The following ENTPD1 variants were observed in gnomAD, a reference collection of about 807,000 sequenced individuals.
The protein encoded by ENTPD1 is ATP diphosphohydrolase.
Under a neutral mutation model 57.0 loss-of-function variants are expected in ENTPD1, and 33 were observed. The ratio of observed to expected loss-of-function variants is 0.58; its 90% CI spans 0.44 to 0.77. The LOEUF (loss-of-function observed/expected upper bound fraction) is 0.77, where lower values mean the gene tolerates loss of function less well. Ranked by LOEUF, ENTPD1 falls within the 30% of genes least tolerant of loss-of-function variation. The pLI is 0.00. For synonymous variants in ENTPD1, 202 were observed against 218.8 expected (o/e 0.92, Z 0.68); for missense variants, 501 against 603.4 (o/e 0.83, Z 1.78).
At chr10:95,731,071 C>A (rs1589651946) in intron 1 of ENTPD1, among the ~76,000 whole-genome samples, 1 of 152,234 alleles carries the variant, frequency 6.6e-6, no homozygotes, top group Non-Finnish European at 1.5e-5. Flanking sequence ...TTTCCAAGAT[C>A]TTTTCCAGTT....
upstream of ENTPD1, among the ~76,000 whole-genome samples, chr10:95,708,237 C>CA (rs2097963314): frequency 6.8e-6 from 1 of 147,538 alleles, no homozygotes; most frequent in African/African-American, 2.5e-5. Context: ...TTTTTTGAGA[C>CA]AGAGTCTCAC....
At chr10:95,718,632 A>G (rs2097974181) in intron 1 of ENTPD1, among the ~76,000 whole-genome samples, 1 of 151,910 alleles carries the variant, frequency 6.6e-6, no homozygotes, top group African/African-American at 2.4e-5. Flanking sequence ...CTGTATATAT[A>G]TTTACCCTTT....
Position 95,874,116 on chromosome 10 carries a change from G to T in ENTPD1, c.*7733G>T, listed in dbSNP as rs181632253. Among the ~76,000 whole-genome samples, 609 of 152,190 alleles carry T rather than the reference G, an allele frequency of 4.0e-3. 2 individuals are homozygous for T. The highest frequency in any genetic ancestry group is 6.9e-3 in the Non-Finnish European group (466 of 68,024). ...CAAAACCAATCATTCCTTCCCAACA[G>T]TTCCCCAAAGTCTTAACTCATTTCA... On this transcript the variant is annotated 3_prime_UTR_variant, in exon 10 of 10. Coordinates refer to ENST00000371205, the MANE Select transcript of ENTPD1 (RefSeq NM_001776.6).
At chr10:95,804,051 C>T (rs562864171) in intron 1 of ENTPD1, among the ~76,000 whole-genome samples, 1 of 152,222 alleles carries the variant, frequency 6.6e-6, no homozygotes, top group East Asian at 1.9e-4. Context: ...TGTTCTGTTC[C>T]ATTGGTCTGT....
intron 1 of ENTPD1, among the ~76,000 whole-genome samples, chr10:95,773,974 T>G (rs2098124647): frequency 1.3e-5 from 2 of 152,338 alleles, no homozygotes; most frequent in African/African-American, 4.8e-5. Flanking sequence ...TTCCTATTTC[T>G]CCACATCCTC....
chr10:95,818,483 A>C (rs2098337538), intron 1 of ENTPD1, among the ~76,000 whole-genome samples: 1 of 152,212 alleles, frequency 6.6e-6, no homozygotes, highest in African/African-American at 2.4e-5. Flanking sequence ...GAAGATTTCT[A>C]TAGCCACATG....
chr10:95,843,826 C>T lies in ENTPD1; in HGVS notation c.414-650C>T, dbSNP rs1394068842. On this transcript the variant is annotated intron_variant, in intron 4 of 9. Coordinates refer to ENST00000371205, the MANE Select transcript of ENTPD1 (RefSeq NM_001776.6). ...TGCCAGCTGGAAGGTAGCATCCTCT[C>T]GCTCAGAGACTCCCAGTGTTGGGTA... Among the ~76,000 whole-genome samples the T allele has an allele frequency of 3.9e-5, 6 of 152,318 alleles. No individual in the cohort carries two copies. The East Asian group carries it at 7.7e-4, about 20-fold the overall frequency.
intron 1 of ENTPD1, among the ~76,000 whole-genome samples, chr10:95,777,829 A>G (rs538572666): frequency 6.6e-6 from 1 of 152,322 alleles, no homozygotes; most frequent in African/African-American, 2.4e-5. Context: ...ATCTTCCAGG[A>G]CACTTTGTTT....
At chr10:95,827,566 A>G (rs2098382168) in intron 2 of ENTPD1, among the ~76,000 whole-genome samples, 1 of 151,230 alleles carries the variant, frequency 6.6e-6, no homozygotes, top group South Asian at 2.1e-4. Context: ...GCTCACTACA[A>G]CCTCTGCCTC....
intron 1 of ENTPD1, among the ~76,000 whole-genome samples, chr10:95,736,227 C>T (rs1409153486): frequency 1.3e-5 from 2 of 152,052 alleles, no homozygotes; most frequent in African/African-American, 2.4e-5. Context: ...TCTGAAAACT[C>T]CTGGCCTCAA....
At chr10:95,696,671 T>C in the ENTPD1 span, among the ~76,000 whole-genome samples, 1 of 152,232 alleles carries the variant, frequency 6.6e-6, no homozygotes, top group Non-Finnish European at 1.5e-5. Context: ...GATAATTTTG[T>C]GGATGAAGAA....
At chr10:95,816,576 A>G in intron 1 of ENTPD1, among the ~76,000 whole-genome samples, 1 of 152,180 alleles carries the variant, frequency 6.6e-6, no homozygotes, top group Non-Finnish European at 1.5e-5. Flanking sequence ...CACAAAGAGC[A>G]ACAGGGGGAA....
intron 1 of ENTPD1, among the ~76,000 whole-genome samples, chr10:95,778,188 A>T (rs1441917066): frequency 6.6e-6 from 1 of 152,152 alleles, no homozygotes; most frequent in Non-Finnish European, 1.5e-5. Flanking sequence ...TGAACCAGGT[A>T]CCTCAGTTGG....
Position 95,844,345 on chromosome 10 carries a change from C to T in ENTPD1, c.414-131C>T, listed in dbSNP as rs559465974. 2.9e-5 allele frequency: 37 copies of T among 1,259,336 alleles called. No individual in the cohort carries two copies. In the African/African-American group the frequency reaches 5.2e-4, roughly 18 times the overall value. 78.0% of individuals were successfully genotyped at this position (1,259,336 alleles called of 1,614,324 possible). ...CTTGGACAGCTATGTGCGAAGATCCCCATCTCTTCATTTATTCCAGGGCAT... is the reference window on the plus strand; with the variant it reads ...CTTGGACAGCTATGTGCGAAGATCCTCATCTCTTCATTTATTCCAGGGCAT... On this transcript the variant is annotated intron_variant, in intron 4 of 9. Coordinates refer to ENST00000371205, the MANE Select transcript of ENTPD1 (RefSeq NM_001776.6).
intron 1 of ENTPD1, among the ~76,000 whole-genome samples, chr10:95,739,636 T>C (rs112109770): frequency 3.7e-4 from 56 of 152,326 alleles, no homozygotes; most frequent in Middle Eastern, 3.4e-3. Flanking sequence ...TTCACTGAAG[T>C]CTTGAACCCC....
chr10:95,712,878 C>T (rs2097967196), intron 1 of ENTPD1, among the ~76,000 whole-genome samples: 1 of 152,020 alleles, frequency 6.6e-6, no homozygotes, highest in African/African-American at 2.4e-5. Flanking sequence ...ACTAAAAATA[C>T]AAAAAATTAG....
At chr10:95,763,711 C>A (rs1461282394) in intron 1 of ENTPD1, among the ~76,000 whole-genome samples, 1 of 34,548 alleles carries the variant, frequency 2.9e-5, no homozygotes, top group Non-Finnish European at 4.8e-5. Flanking sequence ...TTGTTTTAAA[C>A]CACTGAGTTT....
At chr10:95,712,629 C>A (rs1022210112) in intron 1 of ENTPD1, among the ~76,000 whole-genome samples, 3 of 152,164 alleles carry the variant, frequency 2.0e-5, no homozygotes, top group Non-Finnish European at 4.4e-5. Flanking sequence ...TGGGAAAATT[C>A]TAATCCCAGG....
rs2098486477 is a variant in ENTPD1 at position 95,877,125 on chromosome 10, T to G, written c.*10742T>G. 6.6e-6 allele frequency among the ~76,000 whole-genome samples: 1 copy of G among 152,208 alleles called. No individual in the cohort carries two copies. The highest frequency in any genetic ancestry group is 2.4e-5 in the African/African-American group (1 of 41,432). On this transcript the variant is annotated 3_prime_UTR_variant, in exon 10 of 10. Transcript: ENST00000371205. ...AATTTGGGAGTAGTAGAAAATCAATTGGTTATCTTATAGAGTCTCCTAGAA... is the reference window on the plus strand; with the variant it reads ...AATTTGGGAGTAGTAGAAAATCAATGGGTTATCTTATAGAGTCTCCTAGAA...
Sources: allele counts gnomAD v4.1 joint callset (sites outside exome capture counted in the v4.1 genomes callset), GRCh38; gene constraint gnomAD v4.1.1; transcripts MANE v1.5; gene names NCBI Gene and HGNC (gene_info 2026-07-23, HGNC 2026-07-21).